RBFOX1: variants seen among roughly 807,000 people sequenced by gnomAD.
RBFOX1 encodes the protein RNA binding fox-1 homolog 1.
RBFOX1 carries 8 observed loss-of-function variants against 57.7 expected under a neutral mutation model. The ratio of observed to expected loss-of-function variants is 0.14; its 90% CI spans 0.08 to 0.25. The LOEUF is 0.25. RBFOX1 is among the 10% of genes least tolerant of loss of function. RBFOX1 has a pLI of 1.00. For missense variants in RBFOX1, 611 were observed against 548.5 expected, an observed-to-expected ratio of 1.11 and a Z score of -1.14; for synonymous variants, 326 against 222.4, an observed-to-expected ratio of 1.47 and a Z score of -4.15.
chr16:5,299,921 T>A (rs1224302245), intron 1 of RBFOX1, among the ~76,000 whole-genome samples: 1 of 152,146 alleles, frequency 6.6e-6, no homozygotes, highest in African/African-American at 2.4e-5. Flanking sequence ...TAGCTGTAGT[T>A]TTTTTTAATA....
chr16:7,106,980 T>TG (rs2063712371), intron 4 of RBFOX1, among the ~76,000 whole-genome samples: 1 of 48,896 alleles, frequency 2.0e-5, no homozygotes, highest in African/African-American at 8.3e-5. Flanking sequence ...AGCCACACAG[T>TG]TAAAACACAC....
At chr16:7,383,857 C>T (rs1036605654) in intron 4 of RBFOX1, among the ~76,000 whole-genome samples, 2 of 152,002 alleles carry the variant, frequency 1.3e-5, no homozygotes, top group Admixed American at 1.3e-4. Context: ...AAGATCGAGA[C>T]TATCCTGGCT....
intron 3 of RBFOX1, among the ~76,000 whole-genome samples, chr16:6,747,077 C>A (rs1376699296): frequency 6.6e-6 from 1 of 152,110 alleles, no homozygotes; most frequent in Non-Finnish European, 1.5e-5. Flanking sequence ...GGTACCATAG[C>A]AGGTCCCTAT....
At chr16:5,454,919 G>C (rs757060779) in intron 1 of RBFOX1, among the ~76,000 whole-genome samples, 1,532 of 36,438 alleles carry the variant, frequency 0.042, 63 homozygotes, top group East Asian at 0.066. Flanking sequence ...TCTTTCCTTT[G>C]TTTCTTTCTT....
chr16:6,781,904 C>T (rs901334516), intron 3 of RBFOX1, among the ~76,000 whole-genome samples: 2 of 152,082 alleles, frequency 1.3e-5, no homozygotes, highest in African/African-American at 4.8e-5. Flanking sequence ...TTTATTTCTG[C>T]TCTGATCTTT....
intron 2 of RBFOX1, among the ~76,000 whole-genome samples, chr16:6,576,585 C>T (rs1049452254): frequency 6.6e-6 from 1 of 152,170 alleles, no homozygotes; most frequent in Non-Finnish European, 1.5e-5. Context: ...ACTGAGTCCT[C>T]TGAACCTTCT....
intron 3 of RBFOX1, among the ~76,000 whole-genome samples, chr16:6,956,256 A>G (rs2081815848): frequency 6.6e-6 from 1 of 152,170 alleles, no homozygotes. Context: ...TTGAAGAGTC[A>G]GGCACAAAGA....
intron 1 of RBFOX1, among the ~76,000 whole-genome samples, chr16:5,244,411 A>G (rs543291573): frequency 6.6e-6 from 1 of 152,306 alleles, no homozygotes; most frequent in Admixed American, 6.5e-5. Flanking sequence ...CTCAGGGTCC[A>G]GGATTCCAGG....
At chr16:7,376,818 G>A (rs74010689) in intron 4 of RBFOX1, among the ~76,000 whole-genome samples, 2,306 of 152,236 alleles carry the variant, frequency 0.015, 61 homozygotes, top group African/African-American at 0.053. Context: ...TAGAGATGGG[G>A]AGAATTCAGA....
At chr16:5,781,935 G>A (rs769301889) in intron 3 of RBFOX1, among the ~76,000 whole-genome samples, 7 of 152,232 alleles carry the variant, frequency 4.6e-5, no homozygotes, top group Non-Finnish European at 1.5e-5. Context: ...GCCAGGCGTG[G>A]TGGTTCATGC....
intron 1 of RBFOX1, among the ~76,000 whole-genome samples, chr16:5,359,560 T>C (rs1484898647): frequency 6.6e-6 from 1 of 152,216 alleles, no homozygotes; most frequent in Non-Finnish European, 1.5e-5. Context: ...TCTCTGATGG[T>C]TAGGGATGTT....
rs1191140300 is a variant in RBFOX1, at chr16:5,569,916, C to G, written c.259-28986C>G. Among the ~76,000 whole-genome samples, 3 of 152,172 alleles carry G rather than the reference C, an allele frequency of 2.0e-5. No individual in the cohort carries two copies. In the East Asian group the frequency reaches 5.8e-4, roughly 29 times the overall value. On this transcript the variant is annotated intron_variant, in intron 2 of 2. Transcript: ENST00000585867. ...CTAGTCAAAGAACAAGACGTAATGT[C>G]AGTCATATTGCAGATATCATAAAGA...
intron 1 of RBFOX1, among the ~76,000 whole-genome samples, chr16:6,023,965 T>TGATAC (rs1432918398): frequency 2.6e-5 from 4 of 152,214 alleles, no homozygotes; most frequent in Non-Finnish European, 5.9e-5. Context: ...CACTTTCAGA[T>TGATAC]GATGTCAACT....
chr16:5,584,114 C>G, intron 2 of RBFOX1, among the ~76,000 whole-genome samples: 1 of 152,194 alleles, frequency 6.6e-6, no homozygotes, highest in East Asian at 1.9e-4. Flanking sequence ...CTCAGGAGCC[C>G]TGAGGAAACC....
intron 2 of RBFOX1, among the ~76,000 whole-genome samples, chr16:5,522,045 G>T (rs577553212): frequency 6.6e-6 from 1 of 152,194 alleles, no homozygotes; most frequent in Non-Finnish European, 1.5e-5. Context: ...TTCGACTGGG[G>T]TTCTGGAAAT....
chr16:7,536,144 T>C (rs1180930999), intron 5 of RBFOX1, among the ~76,000 whole-genome samples: 14 of 152,200 alleles, frequency 9.2e-5, no homozygotes, highest in Non-Finnish European at 2.1e-4. Flanking sequence ...GTTGAATCTG[T>C]GGATGTGGAT....
intron 4 of RBFOX1, among the ~76,000 whole-genome samples, chr16:7,404,491 T>A (rs1184023982): frequency 6.6e-6 from 1 of 152,174 alleles, no homozygotes; most frequent in Admixed American, 6.5e-5. Flanking sequence ...AGGCACTGCG[T>A]GAAGCACTTG....
chr16:6,280,416 C>T (rs2076254279), intron 1 of RBFOX1, among the ~76,000 whole-genome samples: 1 of 151,966 alleles, frequency 6.6e-6, no homozygotes, highest in African/African-American at 2.4e-5. Context: ...TTTCTGGTAC[C>T]TTTAGTAGGA....
At chr16:6,488,264 T>C (rs1437696598) in intron 2 of RBFOX1, among the ~76,000 whole-genome samples, 1 of 152,198 alleles carries the variant, frequency 6.6e-6, no homozygotes, top group Non-Finnish European at 1.5e-5. Flanking sequence ...TGTGAGGAAA[T>C]CAGTTGTTGT....
Sources: gnomAD v4.1 joint callset for allele counts (sites outside exome capture counted in the v4.1 genomes callset) on GRCh38, gnomAD v4.1.1 for gene constraint, MANE v1.5 for transcripts, NCBI Gene and HGNC (gene_info 2026-07-23, HGNC 2026-07-21) for gene names.